PDGFRL: variants seen among roughly 807,000 people sequenced by gnomAD.
The protein encoded by PDGFRL is platelet-derived growth factor receptor-like protein.
In PDGFRL, 46 loss-of-function variants were observed where a neutral mutation model predicts 37.2. That is an observed-to-expected ratio of 1.24 (90% CI 0.98 to 1.58). The LOEUF (loss-of-function observed/expected upper bound fraction) is 1.58, where lower values mean the gene tolerates loss of function less well. Ranked by LOEUF, PDGFRL falls within the 40% of genes most tolerant of loss-of-function variation. The pLI is 0.00. For missense variants in PDGFRL, 692 were observed against 467.6 expected, an observed-to-expected ratio of 1.48 and a Z score of -4.43; for synonymous variants, 251 against 184.3, an observed-to-expected ratio of 1.36 and a Z score of -2.93.
intron 5 of PDGFRL, 22 bp from the exon 6 acceptor site, chr8:17,642,591 C>T: frequency 6.5e-7 from 1 of 1,530,474 alleles, no homozygotes; most frequent in Non-Finnish European, 9.1e-7. Flanking sequence ...TTGCTTCAGT[C>T]TTTGTGGGTG....
intron 2 of PDGFRL, among the ~76,000 whole-genome samples, chr8:17,610,893 A>G (rs539519661): frequency 2.0e-5 from 3 of 152,130 alleles, no homozygotes; most frequent in Non-Finnish European, 4.4e-5. Context: ...CCTGGGGGAC[A>G]GTGAGATTCC....
chr8:17,636,020 C>G (rs1454579475), intron 5 of PDGFRL, among the ~76,000 whole-genome samples: 1 of 152,150 alleles, frequency 6.6e-6, no homozygotes, highest in African/African-American at 2.4e-5. Flanking sequence ...GGTGTTAGTC[C>G]TTTTTCAGAT....
chr8:17,596,844 C>A (rs2705038), intron 2 of PDGFRL, among the ~76,000 whole-genome samples: 21,559 of 152,150 alleles, frequency 0.14, 4,083 homozygotes, highest in African/African-American at 0.42. Context: ...GTATTTCACA[C>A]CAGAGATTCA....
At chr8:17,640,504 G>A (rs531977950) in intron 5 of PDGFRL, among the ~76,000 whole-genome samples, 1 of 152,210 alleles carries the variant, frequency 6.6e-6, no homozygotes, top group Admixed American at 6.5e-5. Context: ...CTTCCCCTAT[G>A]TGTGTGGCTT....
chr8:17,581,427 G>A (rs71526138), intron 1 of PDGFRL, among the ~76,000 whole-genome samples: 22,124 of 152,082 alleles, frequency 0.15, 1,731 homozygotes, highest in African/African-American at 0.2. Flanking sequence ...GCTTCTGAAC[G>A]AAGAAGTACC....
Position 17,601,393 on chromosome 8 carries a change from A to T in PDGFRL, c.353+11628A>T, listed in dbSNP as rs116076499. 5.5e-3 allele frequency among the ~76,000 whole-genome samples: 841 copies of T among 152,170 alleles called. 11 individuals carry two copies. The highest frequency in any genetic ancestry group is 0.018 in the African/African-American group (764 of 41,526). On this transcript the variant is annotated intron_variant, in intron 2 of 5. Transcript: ENST00000251630. Reference sequence around the variant, plus strand: ...TCATGTGACCTGAGACTCTGGGAGCAAGCTCAAAGAACTTTAGACCTGAAA... The same window carrying T: ...TCATGTGACCTGAGACTCTGGGAGCTAGCTCAAAGAACTTTAGACCTGAAA...
chr8:17,625,946 G>A (rs929070020), intron 3 of PDGFRL, among the ~76,000 whole-genome samples: 3 of 152,080 alleles, frequency 2.0e-5, no homozygotes, highest in Non-Finnish European at 4.4e-5. Flanking sequence ...AGTAAGTCAT[G>A]ATGGTGCCAC....
intron 2 of PDGFRL, among the ~76,000 whole-genome samples, chr8:17,609,841 G>A (rs1804369734): frequency 6.6e-6 from 1 of 151,872 alleles, no homozygotes; most frequent in Admixed American, 6.6e-5. Context: ...CTCAAATCAA[G>A]CCATATTCCC....
intron 2 of PDGFRL, among the ~76,000 whole-genome samples, chr8:17,617,874 G>A (rs982292870): frequency 1.2e-4 from 18 of 152,106 alleles, no homozygotes; most frequent in African/African-American, 4.3e-4. Flanking sequence ...GAGAAGATGC[G>A]CAGTGAATTT....
chr8:17,586,688 C>T (rs905418414), intron 1 of PDGFRL, among the ~76,000 whole-genome samples: 3 of 152,158 alleles, frequency 2.0e-5, no homozygotes, highest in Admixed American at 6.5e-5. Flanking sequence ...TACTGTAGGT[C>T]AGATGCTAAT....
chr8:17,596,556 A>G (rs1429205511), intron 2 of PDGFRL, among the ~76,000 whole-genome samples: 1 of 152,246 alleles, frequency 6.6e-6, no homozygotes, highest in South Asian at 2.1e-4. Context: ...TTCTAAGAGT[A>G]TTTTCAAATA....
chr8:17,585,906 A>G (rs1012883946), intron 1 of PDGFRL, among the ~76,000 whole-genome samples: 2 of 152,068 alleles, frequency 1.3e-5, no homozygotes, highest in African/African-American at 4.8e-5. Context: ...CTTGCTTTGT[A>G]ACATTTGTTT....
chr8:17,624,257 T>C (rs1804690683), intron 3 of PDGFRL, among the ~76,000 whole-genome samples: 1 of 152,204 alleles, frequency 6.6e-6, no homozygotes, highest in African/African-American at 2.4e-5. Flanking sequence ...TTGTCATTCA[T>C]TATGTTTGTA....
intron 2 of PDGFRL, among the ~76,000 whole-genome samples, chr8:17,597,742 C>A (rs769506725): frequency 6.6e-6 from 1 of 152,008 alleles, no homozygotes; most frequent in Non-Finnish European, 1.5e-5. Context: ...TCTCTTCTTA[C>A]GGATTTTTCA....
In PDGFRL at chr8:17,618,839, C is replaced by T. The variant is rs146236591; in HGVS notation, c.354-2212C>T. Among the ~76,000 whole-genome samples, 1,143 of 152,112 alleles carry T rather than the reference C, an allele frequency of 7.5e-3. 20 individuals carry two copies. The highest frequency in any genetic ancestry group is 0.026 in the African/African-American group (1,092 of 41,474). On this transcript the variant is annotated intron_variant, in intron 2 of 5. Transcript: ENST00000251630. ...TACCATCTAGTGTAATGACAGGAAG[C>T]CAGGGGTATCCGAGGGGTAGAGAAC...
chr8:17,583,815 C>T (rs1408223768), intron 1 of PDGFRL, among the ~76,000 whole-genome samples: 1 of 152,158 alleles, frequency 6.6e-6, no homozygotes, highest in Non-Finnish European at 1.5e-5. Flanking sequence ...CTTCTTCTCT[C>T]TCCATGTGAT....
At chr8:17,612,597 C>T (rs796771095) in intron 2 of PDGFRL, among the ~76,000 whole-genome samples, 8 of 152,334 alleles carry the variant, frequency 5.3e-5, no homozygotes, top group East Asian at 1.9e-4. Flanking sequence ...TCTCAAACTC[C>T]TGACCTCAGG....
At chr8:17,579,476 A>G (rs1451399608) in intron 1 of PDGFRL, among the ~76,000 whole-genome samples, 1 of 152,026 alleles carries the variant, frequency 6.6e-6, no homozygotes, top group African/African-American at 2.4e-5. Context: ...CACAAGGTCC[A>G]TGACTCAACT....
intron 1 of PDGFRL, among the ~76,000 whole-genome samples, chr8:17,588,324 C>G (rs2517145): frequency 6.6e-6 from 1 of 152,042 alleles, no homozygotes; most frequent in African/African-American, 2.4e-5. Context: ...TAGACATCGC[C>G]AGCCCCTGAC....
Sources: gnomAD v4.1 joint callset for allele counts (sites outside exome capture counted in the v4.1 genomes callset) on GRCh38, gnomAD v4.1.1 for gene constraint, MANE v1.5 for transcripts, NCBI Gene and HGNC (gene_info 2026-07-23, HGNC 2026-07-21) for gene names.